RIPOR2: variants seen among roughly 807,000 people sequenced by gnomAD.
The protein encoded by RIPOR2 is RHO family interacting cell polarization regulator 2.
RIPOR2 carries 39 observed loss-of-function variants against 114.5 expected under a neutral mutation model. That is an observed-to-expected ratio of 0.34 (90% CI 0.26 to 0.44). RIPOR2 has a LOEUF of 0.44. RIPOR2 is among the 20% of genes least tolerant of loss of function. The probability of loss-of-function intolerance (pLI) is 1.00; values close to 1 mark genes in which losing one functional copy is unlikely to be tolerated. For missense variants in RIPOR2, 1,007 were observed against 1,255.1 expected, an observed-to-expected ratio of 0.80 and a Z score of 2.99; for synonymous variants, 445 against 484.4, an observed-to-expected ratio of 0.92 and a Z score of 1.07.
intron 14 of RIPOR2, among the ~76,000 whole-genome samples, chr6:24,836,809 TAC>T (rs10623077): frequency 1.1e-4 from 17 of 150,544 alleles, no homozygotes; most frequent in African/African-American, 3.7e-4. Flanking sequence ...ATATTTAAAA[TAC>T]ACACACACAC....
chr6:24,958,227 T>C (rs1773134374), intron 1 of RIPOR2, among the ~76,000 whole-genome samples: 5 of 152,362 alleles, frequency 3.3e-5, no homozygotes, highest in Admixed American at 3.3e-4. Flanking sequence ...TGGTCATATG[T>C]ACAAATGCAT....
intron 1 of RIPOR2, among the ~76,000 whole-genome samples, chr6:25,014,282 G>C (rs1460896646): frequency 1.3e-5 from 2 of 152,096 alleles, no homozygotes; most frequent in Admixed American, 1.3e-4. Context: ...CCTTTCAATG[G>C]GTCAACTTGC....
chr6:24,946,060 T>C (rs1772389021), intron 1 of RIPOR2, among the ~76,000 whole-genome samples: 1 of 146,418 alleles, frequency 6.8e-6, no homozygotes, highest in African/African-American at 2.6e-5. Flanking sequence ...AAGATGATAA[T>C]TATTTACTTA....
chr6:24,936,550 A>G (rs957821847), upstream of RIPOR2, among the ~76,000 whole-genome samples: 2 of 152,224 alleles, frequency 1.3e-5, no homozygotes, highest in African/African-American at 4.8e-5. Flanking sequence ...TAGTCAATGA[A>G]TAGATAACTG....
At chr6:24,988,978 T>C (rs976490492) in intron 1 of RIPOR2, among the ~76,000 whole-genome samples, 3 of 152,202 alleles carry the variant, frequency 2.0e-5, no homozygotes, top group African/African-American at 4.8e-5. Context: ...ATTTGTGTTA[T>C]TAATTTTAAA....
intron 1 of RIPOR2, among the ~76,000 whole-genome samples, chr6:24,968,907 A>G (rs1221996938): frequency 6.6e-6 from 1 of 152,070 alleles, no homozygotes; most frequent in African/African-American, 2.4e-5. Flanking sequence ...CCTGACCTAT[A>G]CTGAACTGGC....
upstream of RIPOR2, among the ~76,000 whole-genome samples, chr6:24,940,029 T>C (rs1019599991): frequency 1.7e-4 from 26 of 152,226 alleles, 3 homozygotes; most frequent in Admixed American, 1.6e-3. Flanking sequence ...ATTTGGAGAA[T>C]AGTAATGAAT....
chr6:24,915,403 G>A (rs570832875), intron 1 of RIPOR2, among the ~76,000 whole-genome samples: 4 of 147,720 alleles, frequency 2.7e-5, no homozygotes, highest in South Asian at 4.3e-4. Context: ...CACCCAGGCT[G>A]GAGTGCAGTG....
At chr6:24,944,501 C>T (rs1393545952) in intron 1 of RIPOR2, among the ~76,000 whole-genome samples, 2 of 152,154 alleles carry the variant, frequency 1.3e-5, no homozygotes, top group Admixed American at 1.3e-4. Context: ...TAGGGAGAAT[C>T]TGATTTCCAG....
chr6:25,001,701 CTTT>C (rs775620654), intron 1 of RIPOR2, among the ~76,000 whole-genome samples: 5 of 102,512 alleles, frequency 4.9e-5, no homozygotes, highest in Admixed American at 9.9e-5. Context: ...TCCTTTCTTT[CTTT>C]TTTTTTTTTT....
At chr6:24,903,296 A>G (rs1269501426) in intron 1 of RIPOR2, among the ~76,000 whole-genome samples, 1 of 152,238 alleles carries the variant, frequency 6.6e-6, no homozygotes, top group Non-Finnish European at 1.5e-5. Flanking sequence ...TTTATGATCT[A>G]GCCTTAGAAA....
At chr6:24,864,341 T>TA (rs1293639580) in intron 7 of RIPOR2, among the ~76,000 whole-genome samples, 1 of 151,856 alleles carries the variant, frequency 6.6e-6, no homozygotes, top group South Asian at 2.1e-4. Flanking sequence ...CAAAAAATAA[T>TA]AAAAAAATTA....
intron 1 of RIPOR2, among the ~76,000 whole-genome samples, chr6:25,029,411 G>GAAAAAAAAAAAAAAAAAAAAAAAA (rs71544610): frequency 1.1e-5 from 1 of 90,636 alleles, no homozygotes; most frequent in Non-Finnish European, 2.0e-5. Flanking sequence ...TCTCAAAAAA[G>GAAAAAAAAAAAAAAAAAAAAAAAA]AAAAAAAAAA....
intron 10 of RIPOR2, 40 bp downstream of exon 10, chr6:24,850,557 G>A (rs754427775): frequency 2.5e-5 from 40 of 1,612,108 alleles, no homozygotes; most frequent in Admixed American, 8.3e-5. Flanking sequence ...TCATCCAGCC[G>A]TGGCACCAGG....
At chr6:24,902,728 C>T (rs1158269804) in intron 1 of RIPOR2, among the ~76,000 whole-genome samples, 1 of 152,188 alleles carries the variant, frequency 6.6e-6, no homozygotes, top group East Asian at 1.9e-4. Context: ...CAAATCCTCC[C>T]CCGGCAAACA....
chr6:24,897,189 G>C (rs1474714753), intron 1 of RIPOR2, among the ~76,000 whole-genome samples: 2 of 152,234 alleles, frequency 1.3e-5, no homozygotes, highest in African/African-American at 4.8e-5. Context: ...GCAGAGTTCA[G>C]AATGTGAACT....
At chr6:25,040,592 C>CT (rs34600543) in intron 1 of RIPOR2, among the ~76,000 whole-genome samples, 32,327 of 135,982 alleles carry the variant, frequency 0.24, 4,344 homozygotes, top group Admixed American at 0.35. Flanking sequence ...GTGTTTCTTG[C>CT]TTTTTTTTTT....
chr6:24,819,154 A>C (rs1469813084), intron 19 of RIPOR2, among the ~76,000 whole-genome samples: 1 of 152,068 alleles, frequency 6.6e-6, no homozygotes, highest in Non-Finnish European at 1.5e-5. Flanking sequence ...GAGAGTTATG[A>C]TTCTGGCTTT....
chr6:24,845,888 T>C (rs545188141), intron 12 of RIPOR2, among the ~76,000 whole-genome samples: 1 of 152,152 alleles, frequency 6.6e-6, no homozygotes, highest in African/African-American at 2.4e-5. Context: ...CATGAGCTCC[T>C]GAAAGGAGGT....
Sources: gnomAD v4.1 joint callset for allele counts (sites outside exome capture counted in the v4.1 genomes callset) on GRCh38, gnomAD v4.1.1 for gene constraint, MANE v1.5 for transcripts, NCBI Gene and HGNC (gene_info 2026-07-23, HGNC 2026-07-21) for gene names.